The following LSG1 variants were observed in gnomAD, a reference collection of about 807,000 sequenced individuals.
LSG1 encodes the protein large 60S subunit nuclear export GTPase 1, also known as large subunit GTPase 1 homolog.
Under a neutral mutation model 82.6 loss-of-function variants are expected in LSG1, and 55 were observed. The ratio of observed to expected loss-of-function variants is 0.67; its 90% confidence interval spans 0.54 to 0.83. The LOEUF (loss-of-function observed/expected upper bound fraction) is 0.83, where lower values mean the gene tolerates loss of function less well. Ranked by LOEUF, LSG1 falls within the 40% of genes least tolerant of loss-of-function variation. The pLI is 0.00. For synonymous variants in LSG1, 272 were observed against 282.5 expected, an observed-to-expected ratio of 0.96 and a Z score of 0.37; for missense variants, 809 against 807.9, an observed-to-expected ratio of 1.00 and a Z score of -0.02.
intron 7 of LSG1, among the ~76,000 whole-genome samples, chr3:194,654,025 A>G (rs558124784): frequency 6.6e-6 from 1 of 152,288 alleles, no homozygotes; most frequent in Admixed American, 6.5e-5. Context: ...ACAACAACAC[A>G]TTTAACATAC....
intron 7 of LSG1, among the ~76,000 whole-genome samples, chr3:194,657,537 A>C (rs1448794532): frequency 1.3e-5 from 2 of 150,520 alleles, no homozygotes; most frequent in Non-Finnish European, 2.9e-5. Flanking sequence ...CAGCTTCTGA[A>C]AGGGGATGAA....
At chr3:194,654,187 C>A (rs1560223848) in intron 7 of LSG1, among the ~76,000 whole-genome samples, 12 of 152,110 alleles carry the variant, frequency 7.9e-5, no homozygotes. Context: ...CACACAGATC[C>A]CTGTGTGTGA....
intron 2 of LSG1, 113 bp downstream of exon 2, chr3:194,669,896 A>C (rs1034792193): frequency 7.9e-7 from 1 of 1,262,436 alleles, no homozygotes. Context: ...ACGCCACTGC[A>C]CTTCAGCCTG....
intron 10 of LSG1, among the ~76,000 whole-genome samples, chr3:194,650,265 T>A (rs1773204): frequency 6.6e-6 from 1 of 152,086 alleles, no homozygotes; most frequent in South Asian, 2.1e-4. Context: ...TTTTCCATGC[T>A]GGGCACTGTC....
In LSG1 at chr3:194,666,204, G is replaced by C; in HGVS notation, c.433C>G (p.Arg145Gly). The C allele has an allele frequency of 1.9e-6, 3 of 1,612,852 alleles. No homozygotes were observed. The highest frequency in any genetic ancestry group is 2.5e-6 in the Non-Finnish European group (3 of 1,178,870). The change falls in exon 4 of 14, where the codon CGG becomes GGG. Residue 145 changes from arginine (R) to glycine (G), a missense_variant and splice_region_variant. By Grantham distance (125) the Arg-to-Gly change is moderately radical (BLOSUM62 -2). Transcript: ENST00000265245. ...CTTCATAGAGTCTATAATACTCACC[G>C]GACAAGCTGACGTCTCCATTCTAGA... The part of the protein sequence containing the change: ...NFLEWRRQLV[R>G]LEEEQKLILT...
chr3:194,658,056 A>G (rs1718841878), intron 7 of LSG1, among the ~76,000 whole-genome samples: 1 of 152,224 alleles, frequency 6.6e-6, no homozygotes, highest in South Asian at 2.1e-4. Context: ...CCTGATAAAC[A>G]GAGACGGGAG....
At chr3:194,658,918 C>CA in intron 7 of LSG1, 39 bp downstream of exon 7, 1 of 1,423,948 alleles carries the variant, frequency 7.0e-7, no homozygotes, top group South Asian at 1.2e-5. Flanking sequence ...AATCAAAATT[C>CA]CCTCTTTGAA....
intron 13 of LSG1, among the ~76,000 whole-genome samples, 191 bp downstream of exon 13, chr3:194,644,381 TA>T (rs1193316958): frequency 1.3e-5 from 1 of 79,938 alleles, no homozygotes; most frequent in Non-Finnish European, 2.6e-5. Context: ...AAAAAAAAAA[TA>T]AAAATAAATA....
rs555730881 is a variant in LSG1, at chr3:194,649,317, T to C, written c.1420-513A>G. On this transcript the variant is annotated intron_variant, in intron 10 of 13. Transcript: ENST00000265245. The stretch of plus-strand genomic sequence containing the variant: ...AAAGGGCAGGAGCCATCTCTATTTA[T>C]GCCCTATCCTCCACAGCACCTAACC... Among the ~76,000 whole-genome samples the C allele has an allele frequency of 5.3e-5, 8 of 152,302 alleles. No homozygotes were observed. In the East Asian group the frequency reaches 1.5e-3, roughly 29 times the overall value.
chr3:194,645,511 C>CACACACACACACACACACACAG lies in LSG1; in HGVS notation c.1623+652_1623+653insCTGTGTGTGTGTGTGTGTGTGT, dbSNP rs1560219503. 34 of 43,230 alleles carry CACACACACACACACACACACAG rather than the reference C, an allele frequency of 7.9e-4. 2 individuals carry two copies. Among genetic ancestry groups the CACACACACACACACACACACAG allele is most frequent in the South Asian group, 7.1e-3 (8 of 1,120 alleles). The allele number at this position is 43,230 out of a possible 1,614,324, so 2.7% of individuals were successfully genotyped here. Reference sequence around the variant, plus strand: ...GCTTAGTGCTACACACACACACACACACACACACACACACACACAGACAGA... The same window carrying CACACACACACACACACACACAG: ...GCTTAGTGCTACACACACACACACACACACACACACACACACACACAGACACACACACACACACACAGACAGA... On this transcript the variant is annotated intron_variant, in intron 12 of 13. Transcript: ENST00000265245.
chr3:194,660,162 C>A, intron 5 of LSG1, 29 bp from the exon 6 acceptor site: 2 of 1,592,192 alleles, frequency 1.3e-6, no homozygotes, highest in Non-Finnish European at 8.6e-7. Context: ...ATAGACCAAT[C>A]ACCGTGAAGT....
intron 8 of LSG1, among the ~76,000 whole-genome samples, chr3:194,652,181 G>A (rs775896402): frequency 3.3e-5 from 5 of 152,096 alleles, no homozygotes; most frequent in African/African-American, 7.2e-5. Context: ...GAGCCATGTC[G>A]TAGCCCCTCG....
chr3:194,648,460 T>C (rs1379642235), intron 11 of LSG1, among the ~76,000 whole-genome samples: 1 of 152,166 alleles, frequency 6.6e-6, no homozygotes, highest in African/African-American at 2.4e-5. Context: ...GTGCTGCACG[T>C]GGGTACCATC....
intron 10 of LSG1, among the ~76,000 whole-genome samples, chr3:194,650,243 T>C (rs1718646689): frequency 6.6e-6 from 1 of 152,188 alleles, no homozygotes; most frequent in Non-Finnish European, 1.5e-5. Flanking sequence ...AACAAATCCA[T>C]CTTTGAGTCT....
intron 2 of LSG1, among the ~76,000 whole-genome samples, chr3:194,668,591 C>A (rs1368607883): frequency 2.0e-5 from 3 of 152,140 alleles, no homozygotes. Context: ...TGTTCTTGTT[C>A]CTCTTATTTT....
chr3:194,644,954 G>A (rs962855465), intron 12 of LSG1: 11 of 397,822 alleles, frequency 2.8e-5, no homozygotes, highest in Non-Finnish European at 4.0e-5. Context: ...TTCCCATGGC[G>A]CCCCAGACTA....
intron 10 of LSG1, among the ~76,000 whole-genome samples, chr3:194,649,939 G>A (rs1378841880): frequency 6.7e-6 from 1 of 150,090 alleles, no homozygotes; most frequent in Admixed American, 6.6e-5. Flanking sequence ...TTTTCTTAAA[G>A]GCAAGAGTCT....
rs1352422121 is a variant in LSG1 at position 194,644,377 on chromosome 3, AAAATAAAAATAAATAAAT to A, written c.1797+178_1797+195del. 1.3e-3 allele frequency among the ~76,000 whole-genome samples: 109 copies of A among 86,050 alleles called. 10 individuals are homozygous for A. Among genetic ancestry groups the A allele is most frequent in the East Asian group, 0.012 (27 of 2,284 alleles). 56.5% of individuals were successfully genotyped at this position (86,050 alleles called of 152,430 possible). On this transcript the variant is annotated intron_variant, in intron 13 of 13. Transcript: ENST00000265245. ...GAGCGAGACTCCGTCTCAAAAAAAA[AAAATAAAAATAAATAAAT>A]AAATAAATAAATAAATAAATAAATA... is the stretch of plus-strand genomic sequence containing the variant.
chr3:194,646,268 A>C, intron 11 of LSG1, 25 bp from the exon 12 acceptor site: 3 of 1,594,918 alleles, frequency 1.9e-6, no homozygotes, highest in Non-Finnish European at 2.6e-6. Flanking sequence ...GAATTTTGCA[A>C]AATCTTAGAT....
Sources: gnomAD v4.1 joint callset for allele counts (sites outside exome capture counted in the v4.1 genomes callset) on GRCh38, gnomAD v4.1.1 for gene constraint, MANE v1.5 for transcripts, NCBI Gene and HGNC (gene_info 2026-07-23, HGNC 2026-07-21) for gene names.